The following KALRN variants were observed in gnomAD, a reference collection of about 807,000 sequenced individuals.
KALRN encodes the protein kalirin RhoGEF kinase.
In KALRN, 70 loss-of-function variants were observed where a neutral mutation model predicts 353.7. The observed-to-expected ratio is 0.20, with a 90% confidence interval of 0.16 to 0.24. KALRN has a LOEUF of 0.24. Ranked by LOEUF, KALRN falls within the 10% of genes least tolerant of loss-of-function variation. The pLI is 1.00. For missense variants in KALRN, 2,791 were observed against 3,756.7 expected (o/e 0.74, Z 6.72); for synonymous variants, 1,391 against 1,434.8 (o/e 0.97, Z 0.69).
chr3:124,518,426 C>T, intron 33 of KALRN: 1 of 1,614,120 alleles, frequency 6.2e-7, no homozygotes. Context: ...CTCGGTGGCA[C>T]CTGGGACCTG....
intron 19 of KALRN, among the ~76,000 whole-genome samples, chr3:124,445,937 C>T (rs1176753429): frequency 6.6e-6 from 1 of 152,216 alleles, no homozygotes; most frequent in Non-Finnish European, 1.5e-5. Flanking sequence ...GTTGATGGAA[C>T]TCTCATCAAT....
At chr3:124,079,777 T>G (rs565781599) in intron 1 of KALRN, among the ~76,000 whole-genome samples, 6 of 152,352 alleles carry the variant, frequency 3.9e-5, no homozygotes, top group Admixed American at 6.5e-5. Context: ...TTCTTGTTAG[T>G]TAGAATGTTT....
At chr3:124,673,192 C>A (rs1038359791) in intron 48 of KALRN, among the ~76,000 whole-genome samples, 1 of 151,064 alleles carries the variant, frequency 6.6e-6, no homozygotes, top group Non-Finnish European at 1.5e-5. Flanking sequence ...CAAGACCAGC[C>A]TGGGCAACAT....
chr3:124,656,534 C>T (rs1374212496), intron 39 of KALRN, among the ~76,000 whole-genome samples: 1 of 152,186 alleles, frequency 6.6e-6, no homozygotes, highest in Non-Finnish European at 1.5e-5. Context: ...TGGCGTGAAC[C>T]TGGGAGGCGG....
Position 124,257,425 on chromosome 3 carries a change from T to C in KALRN, c.264-7073T>C, listed in dbSNP as rs1037085463. ...GAAAGTCACTAAAGTTTGAGAAGCATTGGCATAAAGTGGTGAAAGTGCTTT... is the reference window on the plus strand; with the variant it reads ...GAAAGTCACTAAAGTTTGAGAAGCACTGGCATAAAGTGGTGAAAGTGCTTT... On this transcript the variant is annotated intron_variant, in intron 3 of 59. Transcript: ENST00000682506. Among the ~76,000 whole-genome samples, 74 of 152,222 alleles carry C rather than the reference T, an allele frequency of 4.9e-4. 1 individual carries two copies. Among genetic ancestry groups the C allele is most frequent in the African/African-American group, 1.7e-3 (72 of 41,452 alleles).
chr3:124,282,048 A>G (rs1188989876), intron 5 of KALRN, among the ~76,000 whole-genome samples: 1 of 152,176 alleles, frequency 6.6e-6, no homozygotes, highest in Non-Finnish European at 1.5e-5. Flanking sequence ...TGGTCCTTTT[A>G]TACTAATCCA....
intron 1 of KALRN, among the ~76,000 whole-genome samples, chr3:124,223,194 G>A (rs1424217970): frequency 6.6e-6 from 1 of 151,738 alleles, no homozygotes; most frequent in Non-Finnish European, 1.5e-5. Context: ...TTGTCTTACT[G>A]TCACTGAAGC....
At chr3:124,617,719 A>C (rs1001704633) in intron 34 of KALRN, among the ~76,000 whole-genome samples, 2 of 152,142 alleles carry the variant, frequency 1.3e-5, no homozygotes, top group African/African-American at 4.8e-5. Context: ...CTAGCTCTGG[A>C]GTAGGGCCCA....
chr3:124,480,489 G>C (rs2108192540), intron 27 of KALRN, among the ~76,000 whole-genome samples: 1 of 151,820 alleles, frequency 6.6e-6, no homozygotes, highest in African/African-American at 2.4e-5. Context: ...TCTAGCTTAG[G>C]GCATGCCCCT....
In KALRN at chr3:124,154,939, G is replaced by A. The variant is rs181730448; in HGVS notation, c.74-73051G>A. ...TATAGATCAATGGAACAGAACAGAC[G>A]TCAGAAATAACGCCACATATATACA... On this transcript the variant is annotated intron_variant, in intron 1 of 59. Coordinates refer to ENST00000682506, the MANE Select transcript of KALRN (RefSeq NM_001388419.1). Among the ~76,000 whole-genome samples, 165 of 152,020 alleles carry A rather than the reference G, an allele frequency of 1.1e-3. 1 individual carries two copies. Among genetic ancestry groups the A allele is most frequent in the African/African-American group, 6.0e-4 (25 of 41,506 alleles).
At chr3:124,113,206 T>G (rs192585414) in intron 1 of KALRN, among the ~76,000 whole-genome samples, 2 of 152,354 alleles carry the variant, frequency 1.3e-5, no homozygotes, top group African/African-American at 4.8e-5. Context: ...ACAGCCTCTC[T>G]AGGCCTTGGT....
chr3:124,041,243 T>A (rs962074586), intron 1 of KALRN, among the ~76,000 whole-genome samples: 2 of 152,140 alleles, frequency 1.3e-5, no homozygotes, highest in African/African-American at 4.8e-5. Flanking sequence ...TCTACTTACA[T>A]GAATAACTTG....
chr3:124,584,254 C>T (rs2074896364), intron 34 of KALRN, among the ~76,000 whole-genome samples: 1 of 151,928 alleles, frequency 6.6e-6, no homozygotes, highest in Admixed American at 6.6e-5. Context: ...CAGCATTACA[C>T]GGAAGGAAAG....
intron 3 of KALRN, among the ~76,000 whole-genome samples, chr3:124,237,136 T>C (rs1282566207): frequency 1.3e-5 from 2 of 152,224 alleles, no homozygotes; most frequent in African/African-American, 4.8e-5. Context: ...GAAAACTGAA[T>C]AACTTAGCAG....
chr3:124,491,470 A>G (rs775928020), intron 31 of KALRN, 46 bp downstream of exon 31: 4 of 1,405,636 alleles, frequency 2.8e-6, no homozygotes, highest in Admixed American at 2.1e-5. Flanking sequence ...TGGGGATAAT[A>G]GAAGTGGGGG....
Position 124,608,077 on chromosome 3 carries a change from C to T in KALRN, c.5183-24343C>T, listed in dbSNP as rs887289315. ...AGGCTGGAGTGCAGTGTCCTGATCT[C>T]GGCTCACTCCAGCCTCTGCCTGCCT... On this transcript the variant is annotated intron_variant, in intron 34 of 59. Coordinates refer to ENST00000682506, the MANE Select transcript of KALRN (RefSeq NM_001388419.1). Among the ~76,000 whole-genome samples the T allele has an allele frequency of 1.6e-4, 24 of 150,114 alleles. No individual in the cohort carries two copies. In the East Asian group the frequency reaches 2.0e-3, roughly 12 times the overall value.
intron 43 of KALRN, 65 bp from the exon 44 acceptor site, chr3:124,660,858 T>G (rs1222019541): frequency 2.6e-6 from 3 of 1,139,376 alleles, no homozygotes; most frequent in Non-Finnish European, 2.7e-6. Flanking sequence ...ATGATAAGTT[T>G]TTTCCCAGCT....
At chr3:124,615,903 C>G (rs1027584984) in intron 34 of KALRN, among the ~76,000 whole-genome samples, 5 of 152,130 alleles carry the variant, frequency 3.3e-5, no homozygotes, top group African/African-American at 1.2e-4. Context: ...CTGCTTTTTC[C>G]TAAGCCAGGT....
At chr3:124,248,261 C>T (rs537826472) in intron 3 of KALRN, among the ~76,000 whole-genome samples, 1 of 152,234 alleles carries the variant, frequency 6.6e-6, no homozygotes, top group Non-Finnish European at 1.5e-5. Flanking sequence ...TTCACCCCCC[C>T]CATACTCCTT....
Sources: allele counts gnomAD v4.1 joint callset (sites outside exome capture counted in the v4.1 genomes callset), GRCh38; gene constraint gnomAD v4.1.1; transcripts MANE v1.5; gene names NCBI Gene and HGNC (gene_info 2026-07-23, HGNC 2026-07-21).